The following BBS4 variants were observed in gnomAD, a reference collection of about 807,000 sequenced individuals.
BBS4 encodes Bardet-Biedl syndrome 4.
In BBS4, 58 loss-of-function variants were observed where a neutral mutation model predicts 71.4. The observed-to-expected ratio is 0.81, with a 90% CI of 0.66 to 1.01. The LOEUF (loss-of-function observed/expected upper bound fraction) is 1.01. Among genes scored for constraint, BBS4 ranks in the 50% least tolerant of loss-of-function variants. The probability of loss-of-function intolerance (pLI) is 0.00; values close to 1 mark genes in which losing one functional copy is unlikely to be tolerated. For missense variants in BBS4, 660 were observed against 607.9 expected (o/e 1.09, Z -0.90); for synonymous variants, 228 against 216.8 (o/e 1.05, Z -0.46).
chr15:72,686,740 C>A (rs925638884), intron 1 of BBS4: 4 of 423,086 alleles, frequency 9.5e-6, no homozygotes, highest in African/African-American at 6.2e-5. Context: ...CTGAGTTGGG[C>A]GTTCACTCCA....
At chr15:72,734,815 G>A (rs2065888959) in intron 12 of BBS4, among the ~76,000 whole-genome samples, 1 of 152,178 alleles carries the variant, frequency 6.6e-6, no homozygotes, top group Admixed American at 6.5e-5. Context: ...CAGCGCTGTG[G>A]AAGGTGGAAT....
Position 72,712,060 on chromosome 15 carries a change from G to A in BBS4, c.157-184G>A, listed in dbSNP as rs570350854. Among the ~76,000 whole-genome samples the A allele has an allele frequency of 2.0e-5, 3 of 151,962 alleles. No individual in the cohort carries two copies. In the South Asian group the frequency reaches 6.3e-4, roughly 32 times the overall value. ...ATTTTTGTATTTTTAGTAGAGATGG[G>A]GTTTCACCATATTGGTTAGGCTGAT... On this transcript the variant is annotated intron_variant, in intron 3 of 15. Transcript: ENST00000268057.
At chr15:72,715,033 A>C (rs974780418) in intron 4 of BBS4, among the ~76,000 whole-genome samples, 2 of 152,210 alleles carry the variant, frequency 1.3e-5, no homozygotes, top group Non-Finnish European at 2.9e-5. Flanking sequence ...CTGATTATCT[A>C]TGTGATGGAT....
At position 72,709,710 on chromosome 15, in the gene BBS4, T is replaced by C. The variant is rs773230417; in HGVS notation, c.87T>C (p.Phe29=). ...QKPRQKKAPE[F]PILEKQNWLI... is the part of the protein sequence containing the mutation. ...AAATATGCTGCCTAGCTCCAGAGTT[T>C]CCTATTTTGGAGAAGCAGAACTGGT... is the stretch of plus-strand genomic sequence containing the variant. Residue 29 remains phenylalanine (F), a synonymous_variant, in exon 3 of 16, where the codon TTT becomes TTC. Coordinates refer to ENST00000268057, the MANE Select transcript of BBS4 (RefSeq NM_033028.5). 1 of 1,612,370 alleles carries C rather than the reference T, an allele frequency of 6.2e-7. No homozygotes were observed. Among genetic ancestry groups the C allele is most frequent in the East Asian group, 2.2e-5 (1 of 44,844 alleles).
rs1236839015 is a variant in BBS4, at chr15:72,696,292, T to G, written c.76+1064T>G. 2.8e-4 allele frequency among the ~76,000 whole-genome samples: 43 copies of G among 152,232 alleles called. 1 individual carries two copies. ...TTGAAGTCTACTTTGCCTGATAATATTTTAGTTTTAGTTATTTATTTAGCT... is the reference window on the plus strand; with the variant it reads ...TTGAAGTCTACTTTGCCTGATAATAGTTTAGTTTTAGTTATTTATTTAGCT... On this transcript the variant is annotated intron_variant, in intron 2 of 15. Coordinates refer to ENST00000268057, the MANE Select transcript of BBS4 (RefSeq NM_033028.5).
In BBS4 at chr15:72,724,571, A is replaced by G; in HGVS notation, c.503A>G (p.Asp168Gly). ...AATGCCCTGAATCTTAATAGGCACGATCTGACTTATATAATGCTGGGGAAG... is the reference window on the plus strand; with the variant it reads ...AATGCCCTGAATCTTAATAGGCACGGTCTGACTTATATAATGCTGGGGAAG... ...LHNALNLNRH[D>G]LTYIMLGKIH... Residue 168 changes from aspartate (D) to glycine (G), a missense_variant, in exon 8 of 16, where the codon GAT (aspartate) becomes GGT (glycine). Coordinates refer to ENST00000268057, the MANE Select transcript of BBS4 (RefSeq NM_033028.5). 6.2e-7 allele frequency: 1 copy of G among 1,614,134 alleles called. No individual in the cohort carries two copies. The highest frequency in any genetic ancestry group is 8.5e-7 in the Non-Finnish European group (1 of 1,180,000).
At chr15:72,725,071 G>C (rs2065646702) in intron 8 of BBS4, among the ~76,000 whole-genome samples, 1 of 151,484 alleles carries the variant, frequency 6.6e-6, no homozygotes, top group Admixed American at 6.6e-5. Flanking sequence ...GAGAGAGAGA[G>C]AGAGAGAGAG....
intron 2 of BBS4, among the ~76,000 whole-genome samples, chr15:72,696,755 T>A (rs1001462420): frequency 9.9e-5 from 15 of 151,834 alleles, no homozygotes; most frequent in African/African-American, 3.6e-4. Context: ...CTGGCTAATT[T>A]TTATGTATTT....
At chr15:72,724,322 T>A (rs566133050) in intron 7 of BBS4, among the ~76,000 whole-genome samples, 2 of 152,330 alleles carry the variant, frequency 1.3e-5, no homozygotes, top group African/African-American at 4.8e-5. Flanking sequence ...TCCAAGTGGC[T>A]CCAGAAGCAG....
chr15:72,710,965 T>G (rs1179256335), intron 3 of BBS4, among the ~76,000 whole-genome samples: 1 of 151,078 alleles, frequency 6.6e-6, no homozygotes, highest in Non-Finnish European at 1.5e-5. Flanking sequence ...TAATTTTTTT[T>G]TTTTTTTTTG....
In BBS4 at chr15:72,738,357, C is replaced by T. The variant is rs777872738; in HGVS notation, c.*770C>T. The T allele has an allele frequency of 1.2e-4, 52 of 452,154 alleles. No individual in the cohort carries two copies. Among genetic ancestry groups the T allele is most frequent in the Non-Finnish European group, 2.1e-4 (48 of 226,208 alleles). The allele number at this position is 452,154 out of a possible 1,614,324, so 28.0% of individuals were successfully genotyped here. ...GTCAGTGATAACCACTGACCAGATG[C>T]TATCAATACACTATGTGTCCTTTTT... On this transcript the variant is annotated 3_prime_UTR_variant, in exon 16 of 16. Coordinates refer to ENST00000268057, the MANE Select transcript of BBS4 (RefSeq NM_033028.5).
chr15:72,730,280 A>T (rs1194367458), intron 10 of BBS4, among the ~76,000 whole-genome samples: 5 of 2,966 alleles, frequency 1.7e-3, no homozygotes, highest in Non-Finnish European at 8.8e-3. Context: ...CTCTGTCTCA[A>T]AAAAAAAAAA....
intron 9 of BBS4, 102 bp downstream of exon 9, chr15:72,728,096 G>T (rs1239641241): frequency 1.2e-6 from 1 of 808,832 alleles, no homozygotes; most frequent in Non-Finnish European, 2.1e-6. Flanking sequence ...TTTATTAAAG[G>T]TCATATAAAG....
intron 15 of BBS4, chr15:72,737,166 A>G: frequency 1.5e-6 from 1 of 663,956 alleles, no homozygotes; most frequent in Admixed American, 2.4e-5. Flanking sequence ...ACAGCTACTC[A>G]CAGACTTAGT....
At chr15:72,728,028 TG>T in intron 9 of BBS4, 34 bp downstream of exon 9, 1 of 1,528,162 alleles carries the variant, frequency 6.5e-7, no homozygotes, top group Non-Finnish European at 9.1e-7. Flanking sequence ...CATGCACTGA[TG>T]TTAGAAATGG....
chr15:72,688,157 A>C (rs2064908357), intron 1 of BBS4, among the ~76,000 whole-genome samples: 1 of 151,738 alleles, frequency 6.6e-6, no homozygotes, highest in Non-Finnish European at 1.5e-5. Flanking sequence ...AGTGCTCATC[A>C]CAAGTGTTTG....
intron 3 of BBS4, among the ~76,000 whole-genome samples, chr15:72,710,195 GTTTTTTTTT>G (rs66684005): frequency 9.7e-6 from 1 of 103,436 alleles, no homozygotes; most frequent in Non-Finnish European, 1.8e-5. Flanking sequence ...ATTTTGTCGA[GTTTTTTTTT>G]TTTTTTTTTT....
intron 2 of BBS4, among the ~76,000 whole-genome samples, chr15:72,701,617 A>G (rs2065170580): frequency 6.6e-6 from 1 of 152,228 alleles, no homozygotes; most frequent in Non-Finnish European, 1.5e-5. Context: ...ATATGTGCAT[A>G]GAAATTCCTT....
chr15:72,731,278 A>T, intron 10 of BBS4, 27 bp from the exon 11 acceptor site: 1 of 1,613,790 alleles, frequency 6.2e-7, no homozygotes, highest in South Asian at 1.1e-5. Flanking sequence ...GAATGACTGA[A>T]TGACTTTCTC....
Sources: gnomAD v4.1 joint callset for allele counts (sites outside exome capture counted in the v4.1 genomes callset) on GRCh38, gnomAD v4.1.1 for gene constraint, MANE v1.5 for transcripts, NCBI Gene and HGNC (gene_info 2026-07-23, HGNC 2026-07-21) for gene names.